The following ADGRL2 variants were observed in gnomAD, a reference collection of about 807,000 sequenced individuals.
The protein encoded by ADGRL2 is adhesion G protein-coupled receptor L2.
ADGRL2 carries 44 observed loss-of-function variants against 157.4 expected under a neutral mutation model. The ratio of observed to expected loss-of-function variants is 0.28; its 90% CI spans 0.22 to 0.36. The LOEUF (loss-of-function observed/expected upper bound fraction) is 0.36, where lower values mean the gene tolerates loss of function less well. Among genes scored for constraint, ADGRL2 ranks in the 10% least tolerant of loss-of-function variants. The pLI is 1.00. For missense variants in ADGRL2, 1,510 were observed against 1,768.9 expected (o/e 0.85, Z 2.63); for synonymous variants, 585 against 624.7 (o/e 0.94, Z 0.95).
intron 1 of ADGRL2, among the ~76,000 whole-genome samples, chr1:81,355,868 T>C (rs1047034791): frequency 5.9e-5 from 9 of 152,200 alleles, no homozygotes; most frequent in African/African-American, 2.2e-4. Context: ...ATTAGACTAT[T>C]GCTCTGCATT....
rs2076061504 is a variant in ADGRL2, at chr1:81,366,096, T to TCTATGAAA, written c.-302+59587_-302+59588insCTATGAAA. Among the ~76,000 whole-genome samples, 4 of 152,212 alleles carry TCTATGAAA rather than the reference T, an allele frequency of 2.6e-5. No individual in the cohort carries two copies. In the South Asian group the frequency reaches 8.3e-4, roughly 32 times the overall value. ...GGTTCTTACAGACTGTCATTCTTTTTATACCTTCCTCTTGAAAATATCTAT... is the reference window on the plus strand; with the variant it reads ...GGTTCTTACAGACTGTCATTCTTTTTCTATGAAAATACCTTCCTCTTGAAAATATCTAT... On this transcript the variant is annotated intron_variant, in intron 1 of 24. Coordinates refer to the ADGRL2 transcript ENST00000370721.
Position 81,810,431 on chromosome 1 carries a change from C to T in ADGRL2, c.-101+9363C>T, listed in dbSNP as rs1024635412. ...TTTATTAAACTGGTTACCATCCATA[C>T]GGAAATTTTCTCTGCATTAAAAGCC... On this transcript the variant is annotated intron_variant, in intron 1 of 23. Coordinates refer to ENST00000686636, the MANE Select transcript of ADGRL2 (RefSeq NM_001366006.2). Among the ~76,000 whole-genome samples the T allele has an allele frequency of 4.0e-5, 6 of 151,826 alleles. No homozygotes were observed. The South Asian group carries it at 6.2e-4, about 16-fold the overall frequency.
intron 1 of ADGRL2, among the ~76,000 whole-genome samples, chr1:81,834,729 G>T (rs1332391846): frequency 6.6e-6 from 1 of 152,102 alleles, no homozygotes; most frequent in Admixed American, 6.5e-5. Context: ...TACACAGGCA[G>T]ATTGACTTAA....
chr1:81,777,255 C>A (rs2086624011), intron 2 of ADGRL2, among the ~76,000 whole-genome samples: 1 of 152,114 alleles, frequency 6.6e-6, no homozygotes, highest in Non-Finnish European at 1.5e-5. Flanking sequence ...ATTAATGCAG[C>A]CTAAATCACT....
intron 3 of ADGRL2, among the ~76,000 whole-genome samples, chr1:81,612,992 A>G (rs1180928788): frequency 6.6e-6 from 1 of 152,226 alleles, no homozygotes; most frequent in Non-Finnish European, 1.5e-5. Context: ...CTAGATGATC[A>G]TGACATGGTC....
At chr1:81,927,280 A>G (rs2095129028) in intron 3 of ADGRL2, among the ~76,000 whole-genome samples, 1 of 151,894 alleles carries the variant, frequency 6.6e-6, no homozygotes, top group East Asian at 1.9e-4. Context: ...TCTCTTATAC[A>G]CTATACTCCT....
At chr1:81,977,385 T>C (rs1660471631) in intron 17 of ADGRL2, among the ~76,000 whole-genome samples, 1 of 151,804 alleles carries the variant, frequency 6.6e-6, no homozygotes, top group Non-Finnish European at 1.5e-5. Flanking sequence ...TTGAGATAAG[T>C]TTTCTATGGC....
chr1:81,704,014 C>T (rs999770187), intron 1 of ADGRL2, among the ~76,000 whole-genome samples: 1 of 152,190 alleles, frequency 6.6e-6, no homozygotes, highest in African/African-American at 2.4e-5. Context: ...TACCCCTTCC[C>T]CCTGCTCATC....
intron 3 of ADGRL2, among the ~76,000 whole-genome samples, chr1:81,923,122 TG>T (rs1378597012): frequency 6.6e-6 from 1 of 152,214 alleles, no homozygotes; most frequent in Non-Finnish European, 1.5e-5. Context: ...AATGCCTTGT[TG>T]CTTTCTTATC....
intron 1 of ADGRL2, among the ~76,000 whole-genome samples, chr1:81,390,704 C>G (rs544580157): frequency 1.7e-3 from 252 of 152,252 alleles, no homozygotes; most frequent in African/African-American, 5.8e-3. Flanking sequence ...TTGATCTTCT[C>G]TCTTAATATA....
chr1:81,836,476 T>C (rs1220718235), intron 1 of ADGRL2, among the ~76,000 whole-genome samples: 1 of 152,076 alleles, frequency 6.6e-6, no homozygotes, highest in East Asian at 1.9e-4. Context: ...CCTGGTCTCA[T>C]GTGATCCTAG....
At chr1:81,903,285 C>T (rs2094521800) in intron 2 of ADGRL2, among the ~76,000 whole-genome samples, 1 of 152,122 alleles carries the variant, frequency 6.6e-6, no homozygotes, top group Non-Finnish European at 1.5e-5. Flanking sequence ...ATTTTCACTA[C>T]TATTCATGTA....
rs183060015 is a variant in ADGRL2, at chr1:81,737,545, G to C, written c.-142-24266G>C. On this transcript the variant is annotated intron_variant, in intron 1 of 20. Coordinates refer to the ADGRL2 transcript ENST00000359929. ...TCAACATGAGACTCGGGTGGGGACA[G>C]AGAGCCAACCATATCTAGTCATGTT... Among the ~76,000 whole-genome samples, 23 of 152,312 alleles carry C rather than the reference G, an allele frequency of 1.5e-4. 1 individual carries two copies. In the East Asian group the frequency reaches 4.4e-3, roughly 29 times the overall value.
chr1:81,413,123 A>T (rs1403412186), intron 1 of ADGRL2, among the ~76,000 whole-genome samples: 1 of 152,144 alleles, frequency 6.6e-6, no homozygotes, highest in East Asian at 1.9e-4. Context: ...AATGCACTGC[A>T]TTCCTGACTC....
At chr1:81,538,470 G>A (rs2079799621) in intron 2 of ADGRL2, among the ~76,000 whole-genome samples, 1 of 152,150 alleles carries the variant, frequency 6.6e-6, no homozygotes, top group Admixed American at 6.5e-5. Context: ...TCTTTCTTTT[G>A]AGGACATACT....
chr1:81,483,847 G>A (rs1214392333), intron 2 of ADGRL2, among the ~76,000 whole-genome samples: 2 of 152,154 alleles, frequency 1.3e-5, no homozygotes, highest in Admixed American at 6.5e-5. Flanking sequence ...AAGCTCACTC[G>A]AAAGTCTCCT....
intron 2 of ADGRL2, among the ~76,000 whole-genome samples, chr1:81,863,112 T>G (rs2093436764): frequency 6.6e-6 from 1 of 152,128 alleles, no homozygotes; most frequent in South Asian, 2.1e-4. Context: ...AGTTAGATGA[T>G]TTGTTTGTGA....
intron 4 of ADGRL2, among the ~76,000 whole-genome samples, chr1:81,939,935 C>A (rs987211036): frequency 6.6e-6 from 1 of 150,900 alleles, no homozygotes; most frequent in Non-Finnish European, 1.5e-5. Flanking sequence ...TAAATCTTTA[C>A]TTTTGAGTGT....
chr1:81,959,278 A>C (rs1193328546), intron 11 of ADGRL2, among the ~76,000 whole-genome samples: 1 of 152,038 alleles, frequency 6.6e-6, no homozygotes, highest in Non-Finnish European at 1.5e-5. Context: ...ACCTCCTTTC[A>C]TGTGTTTATT....
Sources: gnomAD v4.1 joint callset for allele counts (sites outside exome capture counted in the v4.1 genomes callset) on GRCh38, gnomAD v4.1.1 for gene constraint, MANE v1.5 for transcripts, NCBI Gene and HGNC (gene_info 2026-07-23, HGNC 2026-07-21) for gene names.